TRIM37: variants seen among roughly 807,000 people sequenced by gnomAD.
TRIM37 encodes tripartite motif containing 37.
TRIM37 carries 80 observed loss-of-function variants against 129.8 expected under a neutral mutation model. The observed-to-expected ratio is 0.62, with a 90% CI of 0.51 to 0.74. TRIM37 has a LOEUF of 0.74. TRIM37 is among the 30% of genes least tolerant of loss of function. The pLI is 0.00. For missense variants in TRIM37, 1,054 were observed against 1,176.5 expected, an observed-to-expected ratio of 0.90 and a Z score of 1.52; for synonymous variants, 389 against 387.1, an observed-to-expected ratio of 1.00 and a Z score of -0.06.
chr17:59,017,512 C>G (rs2036100103), intron 19 of TRIM37, 88 bp from the exon 20 acceptor site: 2 of 1,571,546 alleles, frequency 1.3e-6, no homozygotes, highest in African/African-American at 1.4e-5. Context: ...TTAATCTTAC[C>G]TTGCATGGAA....
chr17:59,017,625 C>A (rs147980152), intron 19 of TRIM37, among the ~76,000 whole-genome samples: 77 of 146,658 alleles, frequency 5.3e-4, no homozygotes, highest in African/African-American at 1.8e-3. Flanking sequence ...AGAGCAGAAT[C>A]TTTTTTTTTT....
At chr17:59,006,395 A>T (rs538609229) in intron 22 of TRIM37, among the ~76,000 whole-genome samples, 13 of 152,358 alleles carry the variant, frequency 8.5e-5, no homozygotes, top group Admixed American at 7.2e-4. Flanking sequence ...AACTTGAGTT[A>T]TAACTCCCTT....
intron 4 of TRIM37, among the ~76,000 whole-genome samples, chr17:59,087,419 A>G (rs1011101380): frequency 2.7e-5 from 4 of 150,108 alleles, no homozygotes; most frequent in East Asian, 2.0e-4. Context: ...AATTCTGATT[A>G]TGCATTAATG....
chr17:59,042,251 C>T (rs182041206), intron 16 of TRIM37, among the ~76,000 whole-genome samples: 2,492 of 150,138 alleles, frequency 0.017, 56 homozygotes, highest in African/African-American at 0.058. Context: ...TGGCAGGCAC[C>T]TGTAGTCCCA....
At position 59,014,447 on chromosome 17, in the gene TRIM37, G is replaced by A. The variant is rs143699713; in HGVS notation, c.2576+1163C>T. On this transcript the variant is annotated intron_variant, in intron 21 of 23. Transcript: ENST00000262294. ...CCATAATCACTCTATCTTTTGAATA[G>A]ATGGAAGTTTAATTGCCATGCCGGG... Among the ~76,000 whole-genome samples, 19 of 152,226 alleles carry A rather than the reference G, an allele frequency of 1.2e-4. No individual in the cohort carries two copies. The East Asian group carries it at 3.7e-3, about 29-fold the overall frequency.
intron 12 of TRIM37, chr17:59,059,272 C>CT (rs1234349958): frequency 6.6e-6 from 1 of 152,492 alleles, no homozygotes; most frequent in Non-Finnish European, 1.5e-5. Context: ...TTTTGGGAGG[C>CT]TGAGGCAGGA....
chr17:58,990,845 A>G (rs1457853733), intron 24 of TRIM37, among the ~76,000 whole-genome samples: 1 of 150,842 alleles, frequency 6.6e-6, no homozygotes, highest in Non-Finnish European at 1.5e-5. Context: ...GAGCACACCA[A>G]GCAAGGTAAA....
At chr17:59,039,643 C>A (rs2038942695) in intron 17 of TRIM37, among the ~76,000 whole-genome samples, 1 of 150,590 alleles carries the variant, frequency 6.6e-6, no homozygotes, top group African/African-American at 2.4e-5. Context: ...CCACACCCGG[C>A]CCAGGATGGC....
intron 21 of TRIM37, 62 bp downstream of exon 21, chr17:59,015,548 T>TA (rs2035817217): frequency 1.3e-6 from 2 of 1,543,572 alleles, no homozygotes; most frequent in South Asian, 1.1e-5. Context: ...GATGCATACT[T>TA]AAAGTTCCAA....
intron 22 of TRIM37, among the ~76,000 whole-genome samples, chr17:59,009,123 T>C (rs9907031): frequency 7.5e-4 from 114 of 152,244 alleles, no homozygotes; most frequent in African/African-American, 2.7e-3. Context: ...CAAGTTCTTT[T>C]TTTTCTTTTC....
In TRIM37 at chr17:59,106,607, GC is replaced by G; in HGVS notation, c.-147del. On this transcript the variant is annotated 5_prime_UTR_variant, in exon 1 of 24. It removes the in-frame stop codon of an upstream open reading frame in the 5' UTR. Transcript: ENST00000262294. Reference sequence around the variant, plus strand: ...GCTCTGACAACCGCCCCACCTGCGCGCCCCATCTCTTCAGGTCCAGCGCCGC... The same window carrying G: ...GCTCTGACAACCGCCCCACCTGCGCGCCCATCTCTTCAGGTCCAGCGCCGC... The G allele has an allele frequency of 1.1e-6, 1 of 937,808 alleles. No homozygotes were observed. Among genetic ancestry groups the G allele is most frequent in the Non-Finnish European group, 1.7e-6 (1 of 599,544 alleles). The allele number at this position is 937,808 out of a possible 1,614,324, so 58.1% of individuals were successfully genotyped here.
At chr17:58,997,603 C>G (rs1308297395), downstream of TRIM37, among the ~76,000 whole-genome samples, 1 of 152,130 alleles carries the variant, frequency 6.6e-6, no homozygotes, top group Non-Finnish European at 1.5e-5. Context: ...TAATGTATCT[C>G]TAGCCCTAAG....
the TRIM37 span, chr17:58,972,915 C>T: frequency 6.2e-7 from 1 of 1,612,630 alleles, no homozygotes. Context: ...TGTCGGTTTC[C>T]AGAGCTATTG....
At chr17:59,055,763 G>A (rs559220685) in intron 13 of TRIM37, among the ~76,000 whole-genome samples, 20 of 151,936 alleles carry the variant, frequency 1.3e-4, no homozygotes, top group African/African-American at 4.6e-4. Flanking sequence ...ACAGACACTG[G>A]GGCCTACTTG....
chr17:59,012,840 C>G (rs1453548904), intron 21 of TRIM37, among the ~76,000 whole-genome samples: 1 of 150,736 alleles, frequency 6.6e-6, no homozygotes, highest in African/African-American at 2.5e-5. Flanking sequence ...TGCACCATTG[C>G]ACTCCAGCCT....
At chr17:59,096,250 G>T (rs1314275532) in intron 2 of TRIM37, among the ~76,000 whole-genome samples, 6 of 151,730 alleles carry the variant, frequency 4.0e-5, no homozygotes, top group African/African-American at 1.2e-4. Context: ...CAAAAAAAGA[G>T]AGTTTAAAAA....
At chr17:59,083,764 T>C (rs958908762) in intron 5 of TRIM37, among the ~76,000 whole-genome samples, 1 of 152,120 alleles carries the variant, frequency 6.6e-6, no homozygotes, top group Non-Finnish European at 1.5e-5. Context: ...TGCAAATGAA[T>C]AGAGGATATG....
chr17:59,049,659 AATTTC>A (rs1206055488), intron 14 of TRIM37, among the ~76,000 whole-genome samples: 6 of 151,950 alleles, frequency 3.9e-5, no homozygotes, highest in Admixed American at 3.3e-4. Flanking sequence ...ATGCTTGGCT[AATTTC>A]ATTTTTATTT....
downstream of TRIM37, among the ~76,000 whole-genome samples, chr17:58,978,552 AAT>A (rs534441065): frequency 3.3e-4 from 50 of 152,252 alleles, no homozygotes; most frequent in Admixed American, 1.2e-3. Flanking sequence ...CTCTAATAAA[AAT>A]ATAAAAATTA....
Sources: allele counts gnomAD v4.1 joint callset (sites outside exome capture counted in the v4.1 genomes callset), GRCh38; gene constraint gnomAD v4.1.1; transcripts MANE v1.5; gene names NCBI Gene and HGNC (gene_info 2026-07-23, HGNC 2026-07-21).